The following OPA3 variants were observed in gnomAD, a reference collection of about 807,000 sequenced individuals.
OPA3 encodes outer mitochondrial membrane lipid metabolism regulator OPA3.
A neutral mutation model predicts 4.0 loss-of-function variants in OPA3; 6 were observed. The ratio of observed to expected loss-of-function variants is 1.51; its 90% confidence interval spans 0.83 to 2.99. The LOEUF is 2.99. Among genes scored for constraint, OPA3 ranks in the 30% most tolerant of loss-of-function variants. OPA3 has a pLI of 0.00. For synonymous variants in OPA3, 105 were observed against 117.1 expected (o/e 0.90, Z 0.67); for missense variants, 235 against 256.2 (o/e 0.92, Z 0.56).
chr19:45,564,431 G>A (rs1969552837), intron 1 of OPA3, among the ~76,000 whole-genome samples: 1 of 152,174 alleles, frequency 6.6e-6, no homozygotes, highest in Admixed American at 6.5e-5. Flanking sequence ...TTGACTGGGG[G>A]TAAACCAGGA....
rs569442624 is a variant in OPA3, at chr19:45,563,562, TG to T, written c.143-9652del. Among the ~76,000 whole-genome samples, 425 of 152,268 alleles carry T rather than the reference TG, an allele frequency of 2.8e-3. 2 individuals are homozygous for T. Among genetic ancestry groups the T allele is most frequent in the African/African-American group, 9.2e-3 (384 of 41,558 alleles). On this transcript the variant is annotated intron_variant, in intron 1 of 1. Transcript: ENST00000263275. ...AATAGAGTAAGGAAGTCTTGTTTTT[TG>T]TTTTTGTTTTGAGACAGGGTTTCAC...
intron 1 of OPA3, among the ~76,000 whole-genome samples, chr19:45,567,053 T>C (rs1969593409): frequency 6.6e-6 from 1 of 151,736 alleles, no homozygotes; most frequent in African/African-American, 2.4e-5. Context: ...AATAACAAAA[T>C]AAACTAGACA....
intron 1 of OPA3, chr19:45,584,222 G>T (rs966731386): frequency 2.1e-5 from 10 of 472,430 alleles, no homozygotes; most frequent in Middle Eastern, 1.1e-3. Flanking sequence ...ACACGGTGCC[G>T]CTTTTGAAAT....
At chr19:45,568,462 T>A (rs978957349) in intron 1 of OPA3, among the ~76,000 whole-genome samples, 1 of 152,158 alleles carries the variant, frequency 6.6e-6, no homozygotes, top group Admixed American at 6.6e-5. Flanking sequence ...ATTGCTAGGA[T>A]TACAGGTGTG....
chr19:45,538,250 C>T (rs764621416), intron 1 of OPA3, among the ~76,000 whole-genome samples: 29 of 147,000 alleles, frequency 2.0e-4, no homozygotes, highest in Non-Finnish European at 3.7e-4. Context: ...AGTGAAACCC[C>T]ATCTTCACAC....
chr19:45,571,600 C>T (rs1171840798), intron 1 of OPA3, among the ~76,000 whole-genome samples: 5 of 152,124 alleles, frequency 3.3e-5, no homozygotes, highest in Admixed American at 1.3e-4. Context: ...ACTGATGTGA[C>T]GCTCTGGTGA....
At chr19:45,566,397 C>T (rs540117158) in intron 1 of OPA3, among the ~76,000 whole-genome samples, 4 of 151,534 alleles carry the variant, frequency 2.6e-5, no homozygotes, top group Non-Finnish European at 5.9e-5. Context: ...TGATAATACC[C>T]GCCTTGGAGT....
intron 1 of OPA3, among the ~76,000 whole-genome samples, chr19:45,569,620 G>A (rs913191475): frequency 2.0e-5 from 3 of 152,108 alleles, no homozygotes; most frequent in African/African-American, 7.2e-5. Context: ...AGGGGTGGGA[G>A]GTGACCCGGT....
At chr19:45,529,343 C>T in exon 2 of OPA3, 1 of 1,614,196 alleles carries the variant, frequency 6.2e-7, no homozygotes, top group Non-Finnish European at 8.5e-7. Flanking sequence ...ATGATGCCCT[C>T]GCCCAGCAGC....
chr19:45,548,029 C>T lies in OPA3; in HGVS notation c.*5485G>A. 3.5e-5 allele frequency: 27 copies of T among 764,382 alleles called. No homozygotes were observed. Among genetic ancestry groups the T allele is most frequent in the Non-Finnish European group, 4.3e-5 (27 of 628,026 alleles). 47.3% of individuals were successfully genotyped at this position (764,382 alleles called of 1,614,324 possible). On this transcript the variant is annotated 3_prime_UTR_variant, in exon 2 of 2. Transcript: ENST00000263275. ...CCTTCTTTATTGCCGGTCTCTGGCACTAGAATGTCAGCTCCAGTGAGGGCC... is the reference window on the plus strand; with the variant it reads ...CCTTCTTTATTGCCGGTCTCTGGCATTAGAATGTCAGCTCCAGTGAGGGCC...
chr19:45,578,995 T>C (rs1969807845), intron 1 of OPA3, among the ~76,000 whole-genome samples: 1 of 152,102 alleles, frequency 6.6e-6, no homozygotes. Context: ...CTCTGTCCTG[T>C]GTGCCAGGCA....
In OPA3 at chr19:45,552,766, C is replaced by CCCA. The variant is rs1969354154; in HGVS notation, c.*747_*748insTGG. 1 of 155,156 alleles carries CCCA rather than the reference C, an allele frequency of 6.4e-6. No individual in the cohort carries two copies. The highest frequency in any genetic ancestry group is 6.6e-5 in the Admixed American group (1 of 15,264). 9.6% of individuals were successfully genotyped at this position (155,156 alleles called of 1,614,324 possible). A position where few individuals can be genotyped will look rare whatever the true frequency, so the allele number is the denominator to read the frequency against. On this transcript the variant is annotated 3_prime_UTR_variant, in exon 2 of 2. Coordinates refer to ENST00000263275, the MANE Select transcript of OPA3 (RefSeq NM_025136.4). ...TCTTGGCTCACCGCAACCTCCACCTCATGGGTTCAAGCAATTCTCCTGCCT... is the reference window on the plus strand; with the variant it reads ...TCTTGGCTCACCGCAACCTCCACCTCCCAATGGGTTCAAGCAATTCTCCTGCCT...
Position 45,548,010 on chromosome 19 carries a change from T to G in OPA3, c.*5504A>C. 1.5e-6 allele frequency: 1 copy of G among 650,646 alleles called. No individual in the cohort carries two copies. The highest frequency in any genetic ancestry group is 1.9e-6 in the Non-Finnish European group (1 of 524,064). 40.3% of individuals were successfully genotyped at this position (650,646 alleles called of 1,614,324 possible). A position where few individuals can be genotyped will look rare whatever the true frequency, so the allele number is the denominator to read the frequency against. ...CCACGCCTGGCCACTCTTTCCTTCT[T>G]TATTGCCGGTCTCTGGCACTAGAAT... On this transcript the variant is annotated 3_prime_UTR_variant, in exon 2 of 2. Coordinates refer to ENST00000263275, the MANE Select transcript of OPA3 (RefSeq NM_025136.4).
exon 2 of OPA3, chr19:45,529,144 A>C (rs749162539): frequency 6.2e-7 from 1 of 1,609,406 alleles, no homozygotes; most frequent in East Asian, 2.2e-5. Context: ...CTGAGCGCGC[A>C]GCTCCTCCAG....
intron 1 of OPA3, among the ~76,000 whole-genome samples, chr19:45,577,678 T>A (rs935114049): frequency 4.6e-5 from 7 of 152,188 alleles, no homozygotes; most frequent in African/African-American, 1.2e-4. Flanking sequence ...TGGTTACACC[T>A]TAACCAAGCG....
At chr19:45,558,721 T>TG (rs1969457559) in intron 1 of OPA3, among the ~76,000 whole-genome samples, 2 of 149,592 alleles carry the variant, frequency 1.3e-5, no homozygotes, top group African/African-American at 2.5e-5. Flanking sequence ...TATGTTCTGC[T>TG]GTTTTTTTTT....
chr19:45,581,287 T>C (rs571709694), intron 1 of OPA3, among the ~76,000 whole-genome samples: 9 of 152,232 alleles, frequency 5.9e-5, no homozygotes, highest in African/African-American at 2.2e-4. Context: ...AAGCAAACTT[T>C]AAGCATCCAA....
At chr19:45,578,695 C>T (rs1395488727) in intron 1 of OPA3, among the ~76,000 whole-genome samples, 12 of 151,998 alleles carry the variant, frequency 7.9e-5, no homozygotes, top group Non-Finnish European at 1.6e-4. Context: ...GGCGTGGTGG[C>T]GCATGCCTGT....
chr19:45,558,830 G>A (rs552289530), intron 1 of OPA3, among the ~76,000 whole-genome samples: 1 of 151,688 alleles, frequency 6.6e-6, no homozygotes, highest in South Asian at 2.1e-4. Context: ...ACACTCTCCA[G>A]TGTGGTGTGA....
Sources: gnomAD v4.1 joint callset for allele counts (sites outside exome capture counted in the v4.1 genomes callset) on GRCh38, gnomAD v4.1.1 for gene constraint, MANE v1.5 for transcripts, NCBI Gene and HGNC (gene_info 2026-07-23, HGNC 2026-07-21) for gene names.